RAB37: variants seen among roughly 807,000 people sequenced by gnomAD.
The protein encoded by RAB37 is RAB37, member RAS oncogene family.
Under a neutral mutation model 33.1 loss-of-function variants are expected in RAB37, and 29 were observed. The ratio of observed to expected loss-of-function variants is 0.88; its 90% CI spans 0.65 to 1.20. RAB37 has a LOEUF of 1.20. Ranked by LOEUF, RAB37 falls within the 50% of genes most tolerant of loss-of-function variation. The pLI, the probability that RAB37 is intolerant of heterozygous loss-of-function variation, is 0.00. For synonymous variants in RAB37, 128 were observed against 119.5 expected (o/e 1.07, Z -0.47); for missense variants, 299 against 301.1 (o/e 0.99, Z 0.05).
chr17:74,685,819 C>T (rs1256166912), intron 1 of RAB37, among the ~76,000 whole-genome samples: 1 of 152,156 alleles, frequency 6.6e-6, no homozygotes, highest in Non-Finnish European at 1.5e-5. Flanking sequence ...AAAATCAATG[C>T]CAGTGGGAGA....
intron 1 of RAB37, among the ~76,000 whole-genome samples, chr17:74,692,708 C>T (rs867887842): frequency 6.6e-6 from 1 of 152,088 alleles, no homozygotes; most frequent in South Asian, 2.1e-4. Flanking sequence ...CAGAGGACAT[C>T]GTAGCCCCTC....
chr17:74,743,339 G>A lies in RAB37; in HGVS notation c.365G>A (p.Arg122Lys), dbSNP rs757683419. 2.5e-6 allele frequency: 4 copies of A among 1,613,938 alleles called. No homozygotes were observed. The highest frequency in any genetic ancestry group is 3.4e-6 in the Non-Finnish European group (4 of 1,180,018). ...ITNKSSFDNIRAWLTEIHEYA... is the reference protein window; with the variant it reads ...ITNKSSFDNIKAWLTEIHEYA... ...AACAAATCTTCTTTCGACAACATCA[G>A]GGTAGGTCCTCCCTTCCCCTGACTC... is the stretch of plus-strand genomic sequence containing the variant. Residue 122 changes from arginine (R) to lysine (K), a missense_variant and splice_region_variant, in exon 5 of 9, where the codon AGG (arginine) becomes AAG (lysine). Physicochemically the swap from Arg to Lys is conservative, Grantham distance 26. Coordinates refer to ENST00000392613, the MANE Select transcript of RAB37 (RefSeq NM_001006638.3).
At chr17:74,696,234 A>T (rs376282341) in intron 1 of RAB37, 1 of 1,603,104 alleles carries the variant, frequency 6.2e-7, no homozygotes, top group African/African-American at 1.3e-5. Context: ...GACAAACAAC[A>T]ATTCAGAATT....
chr17:74,675,349 C>T (rs910373743), intron 1 of RAB37, among the ~76,000 whole-genome samples: 6 of 151,620 alleles, frequency 4.0e-5, no homozygotes, highest in East Asian at 1.9e-4. Context: ...GCAGGAGAAT[C>T]GCTTTAACCT....
At chr17:74,688,010 A>G (rs1459040500) in intron 1 of RAB37, among the ~76,000 whole-genome samples, 2 of 152,142 alleles carry the variant, frequency 1.3e-5, no homozygotes, top group Admixed American at 6.5e-5. Flanking sequence ...GTGACAATGG[A>G]TTGTTGAATA....
chr17:74,683,946 G>A (rs1470485660), intron 1 of RAB37, among the ~76,000 whole-genome samples: 1 of 152,182 alleles, frequency 6.6e-6, no homozygotes. Context: ...AGGTGGGTGG[G>A]TGGGCAAGTC....
chr17:74,707,629 C>T (rs571967172), intron 1 of RAB37, among the ~76,000 whole-genome samples: 17 of 151,414 alleles, frequency 1.1e-4, no homozygotes, highest in Non-Finnish European at 2.1e-4. Flanking sequence ...GTGGGAGAAT[C>T]GTCTGAACCT....
At chr17:74,693,107 A>G (rs918281689) in intron 1 of RAB37, among the ~76,000 whole-genome samples, 12 of 152,250 alleles carry the variant, frequency 7.9e-5, no homozygotes, top group African/African-American at 2.9e-4. Context: ...GGTGGGCTGC[A>G]GGGGCCACTG....
At chr17:74,711,459 G>A (rs1052337467) in intron 1 of RAB37, among the ~76,000 whole-genome samples, 5 of 152,092 alleles carry the variant, frequency 3.3e-5, no homozygotes, top group South Asian at 2.1e-4. Flanking sequence ...GCTGAAACTC[G>A]GGGCCAAGTG....
chr17:74,707,232 A>G (rs1160883128), intron 1 of RAB37, among the ~76,000 whole-genome samples: 1 of 152,220 alleles, frequency 6.6e-6, no homozygotes, highest in Non-Finnish European at 1.5e-5. Context: ...TGCAAACCAT[A>G]AATCTGACAA....
intron 1 of RAB37, among the ~76,000 whole-genome samples, chr17:74,692,877 A>G (rs1281418563): frequency 6.6e-6 from 1 of 152,210 alleles, no homozygotes; most frequent in Non-Finnish European, 1.5e-5. Context: ...TACTCCAAAT[A>G]CACTGCTTAT....
intron 1 of RAB37, among the ~76,000 whole-genome samples, chr17:74,692,025 C>A (rs572321879): frequency 9.9e-5 from 15 of 152,082 alleles, no homozygotes; most frequent in African/African-American, 3.6e-4. Flanking sequence ...GCCACCACAC[C>A]CAGTTAATTT....
intron 1 of RAB37, among the ~76,000 whole-genome samples, chr17:74,688,768 C>T (rs1277653654): frequency 3.3e-5 from 5 of 151,978 alleles, no homozygotes. Flanking sequence ...GAAAGAAATG[C>T]ATAAAAATGA....
At chr17:74,722,004 G>C (rs535389393) in intron 1 of RAB37, among the ~76,000 whole-genome samples, 1 of 152,162 alleles carries the variant, frequency 6.6e-6, no homozygotes, top group Admixed American at 6.5e-5. Flanking sequence ...GAAAGAAAGA[G>C]AGATTTGTCA....
Position 74,729,229 on chromosome 17 carries a change from A to G in RAB37, c.73-27A>G. 6.4e-7 allele frequency: 1 copy of G among 1,552,802 alleles called. No homozygotes were observed. Among genetic ancestry groups the G allele is most frequent in the East Asian group, 2.2e-5 (1 of 44,580 alleles). On this transcript the variant is annotated intron_variant, in intron 1 of 7. Coordinates refer to the RAB37 transcript ENST00000340415. The surrounding 1 kb of genome is among the most constrained non-coding windows in gnomAD (Gnocchi z 4.2). ...AGGCCAACTCACATCACAGGCCCTC[A>G]GCTCTCTCTCTATTGTTCCCTTCCA...
intron 1 of RAB37, among the ~76,000 whole-genome samples, chr17:74,685,962 C>T (rs868015402): frequency 1.3e-5 from 2 of 152,162 alleles, no homozygotes; most frequent in Admixed American, 6.5e-5. Context: ...TGGGGATTTG[C>T]CTCCATCAAC....
chr17:74,728,797 G>A (rs1219734253), intron 1 of RAB37, among the ~76,000 whole-genome samples: 1 of 152,064 alleles, frequency 6.6e-6, no homozygotes, highest in Non-Finnish European at 1.5e-5. Flanking sequence ...TGTGTGTTCT[G>A]TGCATACATG....
At chr17:74,703,106 C>T (rs367845495) in intron 1 of RAB37, 3 of 1,613,856 alleles carry the variant, frequency 1.9e-6, no homozygotes, top group Admixed American at 1.7e-5. Context: ...GTGCTGTAAA[C>T]GTAGTGGAGG....
Position 74,730,629 on chromosome 17 carries a change from G to C in RAB37, c.183+1263G>C, listed in dbSNP as rs1040067873. Among the ~76,000 whole-genome samples the C allele has an allele frequency of 6.6e-6, 1 of 152,118 alleles. No homozygotes were observed. Among genetic ancestry groups the C allele is most frequent in the Non-Finnish European group, 1.5e-5 (1 of 68,014 alleles). The stretch of plus-strand genomic sequence containing the variant: ...AATCCCTGAGGTCTGGGACCAGGCT[G>C]CCATGAAGCAAACCAGGATGACCTG... On this transcript the variant is annotated intron_variant, in intron 2 of 7. Transcript: ENST00000340415. This position sits in a 1 kb window ranked among gnomAD's most constrained non-coding sequence, Gnocchi z 4.4.
Sources: allele counts gnomAD v4.1 joint callset (sites outside exome capture counted in the v4.1 genomes callset), GRCh38; gene constraint gnomAD v4.1.1; non-coding constraint Gnocchi (gnomAD v3.1); transcripts MANE v1.5; gene names NCBI Gene and HGNC (gene_info 2026-07-23, HGNC 2026-07-21).